CRTC1: variants seen among roughly 807,000 people sequenced by gnomAD.
The protein encoded by CRTC1 is CREB-regulated transcription coactivator 1.
Under a neutral mutation model 66.1 loss-of-function variants are expected in CRTC1, and 18 were observed. The observed-to-expected ratio is 0.27, with a 90% CI of 0.19 to 0.40. The LOEUF is 0.40. CRTC1 is among the 10% of genes least tolerant of loss of function. CRTC1 has a pLI of 1.00. For missense variants in CRTC1, 669 were observed against 887.9 expected (o/e 0.75, Z 3.13); for synonymous variants, 416 against 398.8 (o/e 1.04, Z -0.51).
intron 1 of CRTC1, among the ~76,000 whole-genome samples, chr19:18,729,561 A>G (rs1272752526): frequency 1.3e-5 from 2 of 152,206 alleles, no homozygotes; most frequent in East Asian, 1.9e-4. Context: ...CCTGGGCAAC[A>G]TAGGGAGACC....
chr19:18,743,630 G>C (rs1233431410), intron 2 of CRTC1, among the ~76,000 whole-genome samples: 5 of 83,840 alleles, frequency 6.0e-5, no homozygotes, highest in East Asian at 7.9e-4. Context: ...AGGTCCCCCT[G>C]GGGGGGGGTC....
At chr19:18,706,658 C>G (rs1255533854) in intron 1 of CRTC1, among the ~76,000 whole-genome samples, 3 of 151,960 alleles carry the variant, frequency 2.0e-5, no homozygotes, top group African/African-American at 7.3e-5. Flanking sequence ...TTTTGAGATT[C>G]TGTATGGATT....
At position 18,755,035 on chromosome 19, in the gene CRTC1, G is replaced by A. The variant is rs184625948; in HGVS notation, c.624+1450G>A. On this transcript the variant is annotated intron_variant, in intron 6 of 13. Transcript: ENST00000321949. ...GTCTCACTCTGTTGCCCAGGCTGGA[G>A]TGCAGTGGTGTGATCTCGGCTCACT... Among the ~76,000 whole-genome samples, 783 of 151,920 alleles carry A rather than the reference G, an allele frequency of 5.2e-3. 1 individual carries two copies. Among genetic ancestry groups the A allele is most frequent in the Admixed American group, 8.5e-3 (129 of 15,258 alleles).
intron 1 of CRTC1, among the ~76,000 whole-genome samples, chr19:18,727,677 A>G (rs1220570832): frequency 2.6e-5 from 4 of 151,512 alleles, no homozygotes; most frequent in Non-Finnish European, 5.9e-5. Context: ...AGTGCTAAGG[A>G]TGGTCAGCAG....
intron 1 of CRTC1, among the ~76,000 whole-genome samples, chr19:18,736,972 A>T (rs1033357366): frequency 6.6e-6 from 1 of 152,046 alleles, no homozygotes; most frequent in Non-Finnish European, 1.5e-5. Context: ...TTCCTGGGAG[A>T]CTGAGTGCTG....
chr19:18,736,189 C>T (rs978761619), intron 1 of CRTC1, among the ~76,000 whole-genome samples: 5 of 152,182 alleles, frequency 3.3e-5, no homozygotes, highest in African/African-American at 4.8e-5. Context: ...GCTGCTGGGA[C>T]GCTTGGAGAT....
In CRTC1 at chr19:18,777,674, C is replaced by T. The variant is rs970993634; in HGVS notation, c.*292C>T. Reference sequence around the variant, plus strand: ...GCACTGGCTCCCTCGCCCCCAGCCCCGGGGCCTGAGCCGTCCCCTGTAAGA... The same window carrying T: ...GCACTGGCTCCCTCGCCCCCAGCCCTGGGGCCTGAGCCGTCCCCTGTAAGA... On this transcript the variant is annotated 3_prime_UTR_variant, in exon 14 of 14. Transcript: ENST00000321949. The surrounding 1 kb of genome is among the most constrained non-coding windows in gnomAD (Gnocchi z 5.5). The T allele has an allele frequency of 2.9e-4, 127 of 440,512 alleles. No individual in the cohort carries two copies. Among genetic ancestry groups the T allele is most frequent in the African/African-American group, 2.2e-3 (107 of 47,722 alleles). The allele number at this position is 440,512 out of a possible 1,614,324, so 27.3% of individuals were successfully genotyped here.
At chr19:18,724,403 A>G (rs2053697372) in intron 1 of CRTC1, among the ~76,000 whole-genome samples, 1 of 151,978 alleles carries the variant, frequency 6.6e-6, no homozygotes, top group Non-Finnish European at 1.5e-5. Flanking sequence ...CTGGAAGGGG[A>G]GACAGCAGCA....
chr19:18,745,721 G>A (rs1272748299), intron 2 of CRTC1, 102 bp from the exon 3 acceptor site: 12 of 1,478,416 alleles, frequency 8.1e-6, no homozygotes, highest in Non-Finnish European at 1.1e-5. Context: ...GTGCTCCAGA[G>A]TGGGGGGCCC....
intron 1 of CRTC1, among the ~76,000 whole-genome samples, chr19:18,693,806 C>A (rs2052914607): frequency 6.6e-6 from 1 of 151,732 alleles, no homozygotes; most frequent in Non-Finnish European, 1.5e-5. Flanking sequence ...TTTGCAGGCA[C>A]ACTGATGTAC....
intron 6 of CRTC1, among the ~76,000 whole-genome samples, chr19:18,759,037 A>C (rs1168455750): frequency 6.6e-6 from 1 of 152,116 alleles, no homozygotes; most frequent in Non-Finnish European, 1.5e-5. Context: ...GGCGCTTTAC[A>C]CAAAATTTAA....
At chr19:18,759,184 C>G (rs2054558737) in intron 6 of CRTC1, among the ~76,000 whole-genome samples, 1 of 152,158 alleles carries the variant, frequency 6.6e-6, no homozygotes, top group Admixed American at 6.5e-5. Context: ...GCCTGGGTGA[C>G]AAAGTGAGAT....
chr19:18,693,606 T>G (rs1422918479), intron 1 of CRTC1, among the ~76,000 whole-genome samples: 1 of 150,502 alleles, frequency 6.6e-6, no homozygotes, highest in Non-Finnish European at 1.5e-5. Flanking sequence ...CTCAGCCTCC[T>G]GAGTAGCTGG....
rs1245550394 is a variant in CRTC1, at chr19:18,683,822, C to G, written c.120C>G (p.Ala40=). The change falls in exon 1 of 14, where the codon GCC becomes GCG. Residue 40 remains alanine (A), a synonymous_variant. Transcript: ENST00000321949. The part of the protein sequence containing the change: ...EVMKDLSLTR[A]ARLQLQKSQY... ...TGAAGGACCTGAGCCTGACGCGGGC[C>G]GCGCGGGTAAGGGGGCTGCCCGCGC... 7.7e-7 allele frequency: 1 copy of G among 1,291,696 alleles called. No individual in the cohort carries two copies. The highest frequency in any genetic ancestry group is 1.0e-6 in the Non-Finnish European group (1 of 989,500). The allele number at this position is 1,291,696 out of a possible 1,614,324, so 80.0% of individuals were successfully genotyped here.
intron 11 of CRTC1, among the ~76,000 whole-genome samples, chr19:18,774,388 C>T (rs914000936): frequency 3.9e-5 from 6 of 152,228 alleles, no homozygotes; most frequent in Non-Finnish European, 7.3e-5. Flanking sequence ...GGCAGGGGCT[C>T]TCCCTGTGCC....
At chr19:18,700,782 G>A (rs572698630) in intron 1 of CRTC1, among the ~76,000 whole-genome samples, 4 of 152,296 alleles carry the variant, frequency 2.6e-5, no homozygotes, top group East Asian at 1.9e-4. Context: ...GCAAAGACAC[G>A]CGAGCTGTCC....
chr19:18,685,829 G>A (rs2052672649), intron 1 of CRTC1, among the ~76,000 whole-genome samples: 1 of 152,144 alleles, frequency 6.6e-6, no homozygotes, highest in South Asian at 2.1e-4. Flanking sequence ...GAAGAAAGGG[G>A]TCACAGTAGG....
At chr19:18,746,802 G>A (rs1006155581) in intron 3 of CRTC1, among the ~76,000 whole-genome samples, 2 of 152,172 alleles carry the variant, frequency 1.3e-5, no homozygotes, top group Non-Finnish European at 2.9e-5. Flanking sequence ...CAGCCCGCAC[G>A]TGTGCTCACG....
chr19:18,707,624 T>C (rs2053294876), intron 1 of CRTC1, among the ~76,000 whole-genome samples: 1 of 152,048 alleles, frequency 6.6e-6, no homozygotes, highest in Non-Finnish European at 1.5e-5. Flanking sequence ...GATTTTTTTC[T>C]ATTTCTTCAG....
Sources: allele counts gnomAD v4.1 joint callset (sites outside exome capture counted in the v4.1 genomes callset), GRCh38; gene constraint gnomAD v4.1.1; non-coding constraint Gnocchi (gnomAD v3.1); transcripts MANE v1.5; gene names NCBI Gene and HGNC (gene_info 2026-07-23, HGNC 2026-07-21).